SEMA3E: variants seen among roughly 807,000 people sequenced by gnomAD.
The protein encoded by SEMA3E is semaphorin 3E.
SEMA3E carries 49 observed loss-of-function variants against 93.6 expected under a neutral mutation model. That is an observed-to-expected ratio of 0.52 (90% confidence interval 0.42 to 0.66). The LOEUF (loss-of-function observed/expected upper bound fraction) is 0.66, where lower values mean the gene tolerates loss of function less well. Among genes scored for constraint, SEMA3E ranks in the 30% least tolerant of loss-of-function variants. The probability of loss-of-function intolerance (pLI) is 0.00; values close to 1 mark genes in which losing one functional copy is unlikely to be tolerated. For missense variants in SEMA3E, 906 were observed against 964.8 expected (o/e 0.94, Z 0.81); for synonymous variants, 363 against 330.7 (o/e 1.10, Z -1.06).
intron 2 of SEMA3E, among the ~76,000 whole-genome samples, chr7:83,480,961 A>C (rs1453954631): frequency 6.6e-6 from 1 of 152,184 alleles, no homozygotes; most frequent in Non-Finnish European, 1.5e-5. Context: ...AATAGATTAG[A>C]TGTTCTTCCT....
At chr7:83,520,202 T>A (rs914309599) in intron 1 of SEMA3E, among the ~76,000 whole-genome samples, 2 of 152,120 alleles carry the variant, frequency 1.3e-5, no homozygotes, top group African/African-American at 4.8e-5. Flanking sequence ...TATTACTCAA[T>A]GAATTTACAT....
At chr7:83,492,199 T>A (rs954760646) in intron 1 of SEMA3E, among the ~76,000 whole-genome samples, 3 of 147,874 alleles carry the variant, frequency 2.0e-5, no homozygotes, top group African/African-American at 7.5e-5. Flanking sequence ...GTGTAGAGCT[T>A]AGGGGACTAA....
intron 9 of SEMA3E, among the ~76,000 whole-genome samples, chr7:83,404,077 A>G (rs1220014171): frequency 1.3e-5 from 2 of 152,016 alleles, no homozygotes; most frequent in Non-Finnish European, 2.9e-5. Flanking sequence ...TTTATCATAT[A>G]AATTCACTGA....
intron 1 of SEMA3E, among the ~76,000 whole-genome samples, chr7:83,601,221 A>G (rs1017288763): frequency 3.9e-5 from 6 of 152,200 alleles, no homozygotes; most frequent in African/African-American, 1.4e-4. Flanking sequence ...CTCCAGAACC[A>G]TCAGATAAAT....
chr7:83,440,637 G>A (rs897769457), intron 4 of SEMA3E, among the ~76,000 whole-genome samples: 1 of 151,960 alleles, frequency 6.6e-6, no homozygotes, highest in African/African-American at 2.4e-5. Context: ...GGAGAACAAA[G>A]CTTCTCATTC....
intron 4 of SEMA3E, among the ~76,000 whole-genome samples, chr7:83,430,038 A>C (rs748581797): frequency 1.6e-4 from 25 of 152,198 alleles, no homozygotes; most frequent in Non-Finnish European, 3.2e-4. Context: ...AACACTTAAG[A>C]AGCTTATGTT....
At chr7:83,545,562 A>AG (rs1791628578) in intron 1 of SEMA3E, among the ~76,000 whole-genome samples, 33 of 125,248 alleles carry the variant, frequency 2.6e-4, no homozygotes, top group African/African-American at 1.2e-3. Context: ...GAAAAAAAAA[A>AG]AAAAAAAGAA....
At chr7:83,563,371 A>G (rs1448234426) in intron 1 of SEMA3E, among the ~76,000 whole-genome samples, 1 of 152,156 alleles carries the variant, frequency 6.6e-6, no homozygotes, top group East Asian at 1.9e-4. Flanking sequence ...CTCTGCCACT[A>G]CTGTTAGTAT....
At chr7:83,536,498 T>A (rs769802499) in intron 1 of SEMA3E, among the ~76,000 whole-genome samples, 10 of 152,072 alleles carry the variant, frequency 6.6e-5, no homozygotes, top group Non-Finnish European at 1.3e-4. Flanking sequence ...TTGAAAAATA[T>A]GACAAAGATT....
At chr7:83,431,756 A>G (rs1297737083) in intron 4 of SEMA3E, among the ~76,000 whole-genome samples, 3 of 152,204 alleles carry the variant, frequency 2.0e-5, no homozygotes, top group African/African-American at 7.2e-5. Context: ...GTTTTTGGCA[A>G]TTGGTGTTAA....
chr7:83,480,126 T>C (rs941896167), intron 2 of SEMA3E, among the ~76,000 whole-genome samples: 1 of 152,158 alleles, frequency 6.6e-6, no homozygotes, highest in Non-Finnish European at 1.5e-5. Flanking sequence ...CTAAACAATA[T>C]TATCACAACC....
chr7:83,542,653 C>A (rs1030836822), intron 1 of SEMA3E, among the ~76,000 whole-genome samples: 5 of 151,958 alleles, frequency 3.3e-5, no homozygotes, highest in Admixed American at 2.6e-4. Context: ...ATATTTCACC[C>A]TAGAAAGCAG....
chr7:83,435,651 T>C (rs1584247498), intron 4 of SEMA3E, among the ~76,000 whole-genome samples: 2 of 152,096 alleles, frequency 1.3e-5, no homozygotes, highest in East Asian at 3.9e-4. Context: ...ACAGAAACTA[T>C]TTAATTTTTA....
intron 1 of SEMA3E, among the ~76,000 whole-genome samples, chr7:83,567,316 T>C (rs1792181668): frequency 6.6e-6 from 1 of 152,142 alleles, no homozygotes; most frequent in Non-Finnish European, 1.5e-5. Context: ...CTTTGGGGAC[T>C]TCAACACCTC....
chr7:83,409,122 G>A (rs1471459883), intron 5 of SEMA3E, among the ~76,000 whole-genome samples: 1 of 152,180 alleles, frequency 6.6e-6, no homozygotes, highest in Non-Finnish European at 1.5e-5. Flanking sequence ...ATTGAAGGAA[G>A]TTAGTTGCAA....
At chr7:83,580,071 A>C (rs1562841536) in intron 1 of SEMA3E, among the ~76,000 whole-genome samples, 1 of 152,048 alleles carries the variant, frequency 6.6e-6, no homozygotes, top group Non-Finnish European at 1.5e-5. Flanking sequence ...AAAAGCGAAC[A>C]AAACAAAAAT....
Position 83,564,354 on chromosome 7 carries a change from A to C in SEMA3E, c.116-74080T>G, listed in dbSNP as rs192095224. Among the ~76,000 whole-genome samples the C allele has an allele frequency of 1.7e-3, 264 of 152,142 alleles. 1 individual carries two copies. The highest frequency in any genetic ancestry group is 3.6e-3 in the Admixed American group (55 of 15,260). On this transcript the variant is annotated intron_variant, in intron 1 of 16. Transcript: ENST00000643230. ...GAATCACTTGAACTTGGGAGGTTGAAGGTTGCAGTGAACTGAGATCATGTC... is the reference window on the plus strand; with the variant it reads ...GAATCACTTGAACTTGGGAGGTTGACGGTTGCAGTGAACTGAGATCATGTC...
chr7:83,514,381 G>A (rs1790885719), intron 1 of SEMA3E, among the ~76,000 whole-genome samples: 2 of 151,988 alleles, frequency 1.3e-5, no homozygotes, highest in Non-Finnish European at 2.9e-5. Context: ...GAGCAAAGGG[G>A]TCCCGATACA....
chr7:83,528,965 G>A (rs183767603), intron 1 of SEMA3E, among the ~76,000 whole-genome samples: 4 of 152,056 alleles, frequency 2.6e-5, no homozygotes, highest in African/African-American at 9.7e-5. Flanking sequence ...GATGATGAAA[G>A]TGTCATATCT....
Sources: allele counts gnomAD v4.1 joint callset (sites outside exome capture counted in the v4.1 genomes callset), GRCh38; gene constraint gnomAD v4.1.1; transcripts MANE v1.5; gene names NCBI Gene and HGNC (gene_info 2026-07-23, HGNC 2026-07-21).